Variants in SDK1 observed in about 807,000 individuals in gnomAD.
SDK1 encodes sidekick cell adhesion molecule 1, also known as protein sidekick-1.
In SDK1, 157 loss-of-function variants were observed where a neutral mutation model predicts 245.5. That is an observed-to-expected ratio of 0.64 (90% CI 0.56 to 0.73). The LOEUF is 0.73. Among genes scored for constraint, SDK1 ranks in the 30% least tolerant of loss-of-function variants. The pLI, the probability that SDK1 is intolerant of heterozygous loss-of-function variation, is 0.00. For synonymous variants in SDK1, 1,647 were observed against 1,278.5 expected, an observed-to-expected ratio of 1.29 and a Z score of -6.15; for missense variants, 3,583 against 3,002.3, an observed-to-expected ratio of 1.19 and a Z score of -4.52.
At chr7:3,834,469 C>T (rs1229530802) in intron 5 of SDK1, among the ~76,000 whole-genome samples, 1 of 152,220 alleles carries the variant, frequency 6.6e-6, no homozygotes, top group African/African-American at 2.4e-5. Flanking sequence ...GCTTCCGATG[C>T]TGGAACAGCT....
At chr7:4,127,966 G>A (rs1784502536) in intron 26 of SDK1, among the ~76,000 whole-genome samples, 1 of 152,198 alleles carries the variant, frequency 6.6e-6, no homozygotes, top group African/African-American at 2.4e-5. Context: ...GTTTCTATGT[G>A]TGTCATCACG....
intron 5 of SDK1, among the ~76,000 whole-genome samples, chr7:3,874,234 T>C (rs1291805467): frequency 6.6e-6 from 1 of 152,230 alleles, no homozygotes; most frequent in East Asian, 1.9e-4. Context: ...AATCATGTGT[T>C]CATAGCATGG....
At chr7:3,577,342 G>A (rs947782495) in intron 1 of SDK1, among the ~76,000 whole-genome samples, 1 of 152,044 alleles carries the variant, frequency 6.6e-6, no homozygotes, top group African/African-American at 2.4e-5. Flanking sequence ...AGACTTGAAG[G>A]ATAGGTATCC....
chr7:4,073,014 T>C (rs763697624), intron 20 of SDK1, among the ~76,000 whole-genome samples: 1 of 152,238 alleles, frequency 6.6e-6, no homozygotes, highest in Non-Finnish European at 1.5e-5. Flanking sequence ...CAGTTTGTGA[T>C]TGGATGCACT....
chr7:3,480,107 C>G (rs1781469030), intron 1 of SDK1, among the ~76,000 whole-genome samples: 1 of 152,170 alleles, frequency 6.6e-6, no homozygotes, highest in South Asian at 2.1e-4. Context: ...GCTTGCTGAT[C>G]ATTTCGTTTT....
chr7:3,684,393 C>T (rs929496631), intron 4 of SDK1, among the ~76,000 whole-genome samples: 1 of 152,216 alleles, frequency 6.6e-6, no homozygotes, highest in Non-Finnish European at 1.5e-5. Flanking sequence ...TCACCCCTCA[C>T]TGAGAAGCAG....
chr7:4,202,988 G>A (rs1003470986), intron 35 of SDK1, among the ~76,000 whole-genome samples: 3 of 152,168 alleles, frequency 2.0e-5, no homozygotes, highest in Non-Finnish European at 4.4e-5. Flanking sequence ...GTGTCCCAGC[G>A]GCTGCTTTTG....
At chr7:3,638,292 C>T (rs907818467) in intron 2 of SDK1, among the ~76,000 whole-genome samples, 6 of 151,986 alleles carry the variant, frequency 3.9e-5, no homozygotes, top group Non-Finnish European at 7.4e-5. Context: ...GGGTATATAC[C>T]CAAAGGATTA....
chr7:4,232,203 A>G (rs1015114072), intron 40 of SDK1, among the ~76,000 whole-genome samples: 3 of 151,870 alleles, frequency 2.0e-5, no homozygotes, highest in Non-Finnish European at 2.9e-5. Flanking sequence ...TGCCTTTGTT[A>G]TCACCATTCT....
chr7:3,852,090 G>A (rs1461321905), intron 5 of SDK1, among the ~76,000 whole-genome samples: 1 of 152,020 alleles, frequency 6.6e-6, no homozygotes, highest in Non-Finnish European at 1.5e-5. Flanking sequence ...GAGCAGCTTT[G>A]TTGACAGTCA....
chr7:3,482,200 T>A (rs1167315548), intron 1 of SDK1, among the ~76,000 whole-genome samples: 1 of 152,186 alleles, frequency 6.6e-6, no homozygotes, highest in Non-Finnish European at 1.5e-5. Flanking sequence ...ACTACCTACC[T>A]ACTAACAACA....
At chr7:3,349,876 A>G (rs1419153737) in intron 1 of SDK1, among the ~76,000 whole-genome samples, 1 of 152,146 alleles carries the variant, frequency 6.6e-6, no homozygotes, top group East Asian at 1.9e-4. Context: ...TGCTGGGATT[A>G]CAGGCATGAG....
At chr7:3,474,975 G>A (rs980324886) in intron 1 of SDK1, among the ~76,000 whole-genome samples, 1 of 152,196 alleles carries the variant, frequency 6.6e-6, no homozygotes, top group Non-Finnish European at 1.5e-5. Context: ...GCAGGTGTGA[G>A]CCACCGTGTC....
chr7:4,026,852 G>A lies in SDK1; in HGVS notation c.2602+9500G>A, dbSNP rs370569737. Among the ~76,000 whole-genome samples the A allele has an allele frequency of 1.3e-5, 2 of 152,160 alleles. No homozygotes were observed. Among genetic ancestry groups the A allele is most frequent in the South Asian group, 2.1e-4 (1 of 4,824 alleles). ...ACGGCAATATGTACACCCACCCAGCGGTGTGCGGCCGGTGACTCTACCAGG... is the reference window on the plus strand; with the variant it reads ...ACGGCAATATGTACACCCACCCAGCAGTGTGCGGCCGGTGACTCTACCAGG... On this transcript the variant is annotated intron_variant, in intron 17 of 44. Coordinates refer to ENST00000404826, the MANE Select transcript of SDK1 (RefSeq NM_152744.4). This position sits in a 1 kb window ranked among gnomAD's most constrained non-coding sequence, Gnocchi z 4.1.
chr7:3,565,540 T>A (rs148272324), intron 1 of SDK1, among the ~76,000 whole-genome samples: 129 of 152,338 alleles, frequency 8.5e-4, no homozygotes, highest in Non-Finnish European at 1.5e-3. Flanking sequence ...TAACAGAATT[T>A]AGTAAACTGA....
At chr7:4,089,434 C>T (rs1242940071) in intron 22 of SDK1, among the ~76,000 whole-genome samples, 1 of 152,232 alleles carries the variant, frequency 6.6e-6, no homozygotes, top group African/African-American at 2.4e-5. Context: ...TGTGCTGGGC[C>T]TTGGAGGCAA....
intron 1 of SDK1, among the ~76,000 whole-genome samples, chr7:3,417,845 G>T (rs1381372587): frequency 6.6e-6 from 1 of 152,184 alleles, no homozygotes; most frequent in African/African-American, 2.4e-5. Flanking sequence ...CTTCTGTCCA[G>T]TTGGCAAGTG....
intron 4 of SDK1, among the ~76,000 whole-genome samples, chr7:3,710,893 T>C (rs1254694943): frequency 2.0e-5 from 3 of 152,350 alleles, no homozygotes; most frequent in African/African-American, 4.8e-5. Flanking sequence ...CTGGTTGATA[T>C]CTTTATTACT....
chr7:3,334,425 C>T (rs1780147644), intron 1 of SDK1, among the ~76,000 whole-genome samples: 1 of 152,076 alleles, frequency 6.6e-6, no homozygotes, highest in African/African-American at 2.4e-5. Flanking sequence ...TTCTTCCCTG[C>T]CGTCCCTTTC....
Sources: allele counts gnomAD v4.1 joint callset (sites outside exome capture counted in the v4.1 genomes callset), GRCh38; gene constraint gnomAD v4.1.1; non-coding constraint Gnocchi (gnomAD v3.1); transcripts MANE v1.5; gene names NCBI Gene and HGNC (gene_info 2026-07-23, HGNC 2026-07-21).